SLC10A7: variants seen among roughly 807,000 people sequenced by gnomAD.
The protein encoded by SLC10A7 is sodium/bile acid cotransporter 7.
A neutral mutation model predicts 43.2 loss-of-function variants in SLC10A7; 29 were observed. That is an observed-to-expected ratio of 0.67 (90% CI 0.50 to 0.92). The LOEUF (loss-of-function observed/expected upper bound fraction) is 0.92. Ranked by LOEUF, SLC10A7 falls within the 40% of genes least tolerant of loss-of-function variation. The pLI, the probability that SLC10A7 is intolerant of heterozygous loss-of-function variation, is 0.00. For synonymous variants in SLC10A7, 152 were observed against 144.8 expected, an observed-to-expected ratio of 1.05 and a Z score of -0.35; for missense variants, 295 against 403.2, an observed-to-expected ratio of 0.73 and a Z score of 2.30.
chr4:146,479,215 C>T (rs928972218), intron 4 of SLC10A7, among the ~76,000 whole-genome samples: 2 of 152,132 alleles, frequency 1.3e-5, no homozygotes, highest in African/African-American at 2.4e-5. Flanking sequence ...ACCCAACGCA[C>T]TCATCTCTGA....
At chr4:146,410,261 T>G (rs1728094027) in intron 5 of SLC10A7, among the ~76,000 whole-genome samples, 1 of 152,148 alleles carries the variant, frequency 6.6e-6, no homozygotes, top group Admixed American at 6.5e-5. Context: ...CCTCCCTATA[T>G]CAGTCTGCCA....
At chr4:146,308,878 C>T (rs376142935) in intron 6 of SLC10A7, among the ~76,000 whole-genome samples, 1 of 152,090 alleles carries the variant, frequency 6.6e-6, no homozygotes, top group African/African-American at 2.4e-5. Context: ...CATGAAAATT[C>T]AGTATGTGGA....
intron 6 of SLC10A7, among the ~76,000 whole-genome samples, chr4:146,312,792 A>G (rs1732068497): frequency 6.6e-6 from 1 of 152,192 alleles, no homozygotes; most frequent in African/African-American, 2.4e-5. Context: ...TTTGATGGAA[A>G]CTTAAAGTGT....
At chr4:146,477,262 C>A (rs1029688251) in intron 4 of SLC10A7, among the ~76,000 whole-genome samples, 3 of 152,232 alleles carry the variant, frequency 2.0e-5, no homozygotes, top group African/African-American at 7.2e-5. Flanking sequence ...GCTGACTAAT[C>A]ATGCTCTTGA....
chr4:146,516,787 G>A (rs1738041957), intron 2 of SLC10A7, among the ~76,000 whole-genome samples: 1 of 152,148 alleles, frequency 6.6e-6, no homozygotes, highest in South Asian at 2.1e-4. Flanking sequence ...AGATGCTTCA[G>A]TTCAGCTGTC....
At chr4:146,501,949 T>TA (rs1736455711) in intron 4 of SLC10A7, among the ~76,000 whole-genome samples, 1 of 152,092 alleles carries the variant, frequency 6.6e-6, no homozygotes, top group South Asian at 2.1e-4. Context: ...AAGGCACTGG[T>TA]AAAAAATAAT....
chr4:146,383,714 T>C (rs1333103252), intron 5 of SLC10A7, among the ~76,000 whole-genome samples: 1 of 152,172 alleles, frequency 6.6e-6, no homozygotes, highest in African/African-American at 2.4e-5. Flanking sequence ...TCCCATTTTA[T>C]AGCTGAGAAA....
At chr4:146,370,028 C>T (rs1736658156) in intron 5 of SLC10A7, among the ~76,000 whole-genome samples, 1 of 151,690 alleles carries the variant, frequency 6.6e-6, no homozygotes, top group South Asian at 2.1e-4. Flanking sequence ...TCAGAATAAA[C>T]AAAAATCACA....
chr4:146,340,668 A>G (rs1346535307), intron 5 of SLC10A7, among the ~76,000 whole-genome samples: 2 of 151,780 alleles, frequency 1.3e-5, no homozygotes, highest in African/African-American at 4.8e-5. Flanking sequence ...ATTTTCCTTA[A>G]TGTTTCAGTA....
intron 9 of SLC10A7, among the ~76,000 whole-genome samples, chr4:146,286,369 A>G (rs80143505): frequency 1.4e-3 from 133 of 97,430 alleles, no homozygotes; most frequent in Middle Eastern, 0.012. Flanking sequence ...AGAAGGACTG[A>G]GTTTGGAGTG....
intron 5 of SLC10A7, among the ~76,000 whole-genome samples, chr4:146,439,614 T>G (rs577079382): frequency 1.3e-5 from 2 of 152,234 alleles, no homozygotes; most frequent in South Asian, 4.1e-4. Flanking sequence ...AATAAAAACC[T>G]AGATCTAAAG....
At chr4:146,339,086 G>A (rs771772866) in intron 5 of SLC10A7, among the ~76,000 whole-genome samples, 4 of 151,902 alleles carry the variant, frequency 2.6e-5, no homozygotes, top group African/African-American at 9.7e-5. Flanking sequence ...GGCTTCTTAT[G>A]TAGGCTCCTG....
intron 5 of SLC10A7, among the ~76,000 whole-genome samples, chr4:146,427,529 T>A (rs765117069): frequency 9.2e-5 from 14 of 152,182 alleles, no homozygotes; most frequent in Non-Finnish European, 1.5e-4. Flanking sequence ...CATATGGTGA[T>A]ATGGAATCAG....
At chr4:146,356,433 C>G (rs1263405248) in intron 5 of SLC10A7, among the ~76,000 whole-genome samples, 1 of 152,122 alleles carries the variant, frequency 6.6e-6, no homozygotes, top group Non-Finnish European at 1.5e-5. Context: ...TTGCATTTGA[C>G]AGTTTCCTTC....
chr4:146,279,883 C>G (rs1729436134), intron 10 of SLC10A7, among the ~76,000 whole-genome samples: 1 of 152,088 alleles, frequency 6.6e-6, no homozygotes, highest in African/African-American at 2.4e-5. Context: ...ACTAATCAAT[C>G]AATGGCAAAT....
intron 5 of SLC10A7, among the ~76,000 whole-genome samples, chr4:146,417,459 G>A (rs936575989): frequency 2.6e-5 from 4 of 152,144 alleles, no homozygotes; most frequent in African/African-American, 7.2e-5. Flanking sequence ...AAAATCCAGA[G>A]CAACTCTCAT....
At chr4:146,503,074 C>A (rs1736565714) in intron 4 of SLC10A7, among the ~76,000 whole-genome samples, 1 of 152,078 alleles carries the variant, frequency 6.6e-6, no homozygotes, top group Admixed American at 6.6e-5. Flanking sequence ...AAGAATATAG[C>A]AGGTACTCAA....
At chr4:146,453,023 ATG>A (rs530906659) in intron 4 of SLC10A7, among the ~76,000 whole-genome samples, 10 of 111,364 alleles carry the variant, frequency 9.0e-5, no homozygotes, top group African/African-American at 2.3e-4. Context: ...GATATATACA[ATG>A]TGTGTGTGTG....
intron 10 of SLC10A7, among the ~76,000 whole-genome samples, chr4:146,274,200 CTTTT>C (rs35963098): frequency 1.7e-5 from 2 of 118,530 alleles, no homozygotes; most frequent in Admixed American, 8.7e-5. Flanking sequence ...TCAGATTATA[CTTTT>C]TTTTTTTTTT....
Sources: allele counts gnomAD v4.1 joint callset (sites outside exome capture counted in the v4.1 genomes callset), GRCh38; gene constraint gnomAD v4.1.1; transcripts MANE v1.5; gene names NCBI Gene and HGNC (gene_info 2026-07-23, HGNC 2026-07-21).